MAPK10: variants seen among roughly 807,000 people sequenced by gnomAD.
The protein encoded by MAPK10 is JNK3 alpha protein kinase.
Under a neutral mutation model 59.3 loss-of-function variants are expected in MAPK10, and 25 were observed. That is an observed-to-expected ratio of 0.42 (90% CI 0.31 to 0.59). The LOEUF (loss-of-function observed/expected upper bound fraction) is 0.59. MAPK10 is among the 20% of genes least tolerant of loss of function. MAPK10 has a pLI of 0.15. For synonymous variants in MAPK10, 190 were observed against 200.5 expected (o/e 0.95, Z 0.44); for missense variants, 351 against 568.9 (o/e 0.62, Z 3.90).
At chr4:86,267,833 G>T (rs1168696485) in intron 2 of MAPK10, among the ~76,000 whole-genome samples, 1 of 151,932 alleles carries the variant, frequency 6.6e-6, no homozygotes, top group Non-Finnish European at 1.5e-5. Context: ...TCTACCTTCA[G>T]CACTCTCCCT....
At chr4:86,529,731 G>A (rs1757726654) in intron 1 of MAPK10, among the ~76,000 whole-genome samples, 1 of 152,108 alleles carries the variant, frequency 6.6e-6, no homozygotes, top group African/African-American at 2.4e-5. Context: ...TCCCTAACTA[G>A]GGGCATCTCA....
intron 4 of MAPK10, chr4:86,119,578 C>T (rs1296295279): frequency 2.1e-5 from 2 of 94,620 alleles, no homozygotes; most frequent in Non-Finnish European, 1.9e-5. Context: ...AGCAAGACTC[C>T]ATCACAAAAA....
chr4:86,238,620 A>G (rs556808136), intron 2 of MAPK10, among the ~76,000 whole-genome samples: 1 of 152,188 alleles, frequency 6.6e-6, no homozygotes, highest in South Asian at 2.1e-4. Context: ...TGTGAATGGG[A>G]GTTCATTCAT....
chr4:86,403,299 G>T (rs1743948900), intron 1 of MAPK10, among the ~76,000 whole-genome samples: 1 of 152,128 alleles, frequency 6.6e-6, no homozygotes, highest in African/African-American at 2.4e-5. Context: ...AGGATCACCT[G>T]AGGTCAGGAG....
intron 2 of MAPK10, among the ~76,000 whole-genome samples, chr4:86,216,278 C>A (rs1399936162): frequency 7.5e-6 from 1 of 133,382 alleles, no homozygotes; most frequent in Admixed American, 7.3e-5. Flanking sequence ...ATATAGCACA[C>A]ACACATATAT....
At chr4:86,124,106 T>G (rs1321909092) in intron 4 of MAPK10, 1 of 151,972 alleles carries the variant, frequency 6.6e-6, no homozygotes, top group Non-Finnish European at 1.5e-5. Flanking sequence ...GGTTACTTAT[T>G]TTTTCAGTGA....
At chr4:86,547,089 A>G (rs1759254444) in intron 1 of MAPK10, among the ~76,000 whole-genome samples, 1 of 152,170 alleles carries the variant, frequency 6.6e-6, no homozygotes, top group Non-Finnish European at 1.5e-5. Flanking sequence ...GGAAAGGCTG[A>G]TTATTGGAGT....
rs184101840 is a variant in MAPK10, at chr4:86,213,530, C to G, written c.-6-19123G>C. 2.0e-5 allele frequency among the ~76,000 whole-genome samples: 3 copies of G among 151,968 alleles called. No individual in the cohort carries two copies. The East Asian group carries it at 5.8e-4, about 29-fold the overall frequency. On this transcript the variant is annotated intron_variant, in intron 2 of 13. Transcript: ENST00000641462. Reference sequence around the variant, plus strand: ...ATGAAAGTGGATATATGAGTGGGGACATTAGTACAAATTCTAAAAAAAGGA... The same window carrying G: ...ATGAAAGTGGATATATGAGTGGGGAGATTAGTACAAATTCTAAAAAAAGGA...
intron 1 of MAPK10, among the ~76,000 whole-genome samples, chr4:86,566,592 G>A (rs1242280937): frequency 6.6e-6 from 1 of 151,940 alleles, no homozygotes; most frequent in Admixed American, 6.6e-5. Context: ...CTGGGCATCT[G>A]TATTCCCAGC....
intron 9 of MAPK10, chr4:86,095,698 C>G (rs936639333): frequency 1.3e-5 from 2 of 151,738 alleles, no homozygotes; most frequent in African/African-American, 4.8e-5. Context: ...TCTGACTGCT[C>G]AGTTGTTGGT....
At chr4:86,336,925 G>A (rs1049572774) in intron 2 of MAPK10, among the ~76,000 whole-genome samples, 3 of 151,388 alleles carry the variant, frequency 2.0e-5, no homozygotes, top group Non-Finnish European at 2.9e-5. Flanking sequence ...CAAGTAGCTG[G>A]GACTACAGGC....
chr4:86,576,021 G>GTA lies in MAPK10; in HGVS notation c.-263+17887_-263+17888dup, dbSNP rs569264669. On this transcript the variant is annotated intron_variant, in intron 1 of 4. Transcript: ENST00000502302. Reference sequence around the variant, plus strand: ...TGCGTGTGTGTGTGTGTGTGTGTGTGTATTATATATTGCCCAGGCTGGAGT... The same window carrying GTA: ...TGCGTGTGTGTGTGTGTGTGTGTGTGTATATTATATATTGCCCAGGCTGGAGT... Among the ~76,000 whole-genome samples, 446 of 148,844 alleles carry GTA rather than the reference G, an allele frequency of 3.0e-3. 3 individuals carry two copies. The highest frequency in any genetic ancestry group is 5.6e-3 in the Non-Finnish European group (374 of 66,680).
At chr4:86,232,139 C>A (rs751772360) in intron 2 of MAPK10, among the ~76,000 whole-genome samples, 1 of 152,144 alleles carries the variant, frequency 6.6e-6, no homozygotes, top group African/African-American at 2.4e-5. Context: ...AATACATAAA[C>A]AAAGGAGCAT....
chr4:86,076,666 CAATT>C (rs903401117), intron 9 of MAPK10, among the ~76,000 whole-genome samples: 24 of 152,090 alleles, frequency 1.6e-4, no homozygotes, highest in African/African-American at 5.8e-4. Context: ...TCCTGTAAAA[CAATT>C]AATTTTATCA....
rs2071898949 is a variant in MAPK10, at chr4:86,166,835, CA to C, written c.67-7369del. ...CTAAAACTAGAGAAGCAAGAGCAAA[CA>C]AATCCAAAAACTAGCAGAAAACAAG... On this transcript the variant is annotated intron_variant, in intron 3 of 13. Transcript: ENST00000641462. Among the ~76,000 whole-genome samples, 3 of 151,852 alleles carry C rather than the reference CA, an allele frequency of 2.0e-5. 1 individual carries two copies. In the South Asian group the frequency reaches 6.2e-4, roughly 32 times the overall value.
chr4:86,563,335 A>T (rs1171794888), intron 1 of MAPK10, among the ~76,000 whole-genome samples: 1 of 152,186 alleles, frequency 6.6e-6, no homozygotes, highest in Non-Finnish European at 1.5e-5. Flanking sequence ...ACAAAATATG[A>T]GGGAGGTAAA....
At chr4:86,083,392 T>C (rs2051082587) in intron 9 of MAPK10, among the ~76,000 whole-genome samples, 4 of 152,226 alleles carry the variant, frequency 2.6e-5, no homozygotes, top group Admixed American at 2.0e-4. Flanking sequence ...AGGGAGAGCA[T>C]AGCATTTGTG....
chr4:86,182,290 A>G (rs1374289564), intron 3 of MAPK10, among the ~76,000 whole-genome samples: 2 of 152,180 alleles, frequency 1.3e-5, no homozygotes, highest in African/African-American at 2.4e-5. Flanking sequence ...GGTAAAAACT[A>G]TTAAAGATAA....
chr4:86,338,324 A>T (rs1490066940), intron 2 of MAPK10, among the ~76,000 whole-genome samples: 1 of 151,932 alleles, frequency 6.6e-6, no homozygotes, highest in African/African-American at 2.4e-5. Context: ...CCTCATATGA[A>T]CTCCCTACCC....
Sources: allele counts gnomAD v4.1 joint callset (sites outside exome capture counted in the v4.1 genomes callset), GRCh38; gene constraint gnomAD v4.1.1; transcripts MANE v1.5; gene names NCBI Gene and HGNC (gene_info 2026-07-23, HGNC 2026-07-21).